EXT1: variants seen among roughly 807,000 people sequenced by gnomAD.
The protein encoded by EXT1 is exostosin glycosyltransferase 1.
A neutral mutation model predicts 82.5 loss-of-function variants in EXT1; 20 were observed. The observed-to-expected ratio is 0.24, with a 90% confidence interval of 0.17 to 0.35. EXT1 has a LOEUF of 0.35. Ranked by LOEUF, EXT1 falls within the 10% of genes least tolerant of loss-of-function variation. EXT1 has a pLI of 1.00. For synonymous variants in EXT1, 348 were observed against 350.8 expected, an observed-to-expected ratio of 0.99 and a Z score of 0.09; for missense variants, 757 against 936.5, an observed-to-expected ratio of 0.81 and a Z score of 2.50.
intron 1 of EXT1, among the ~76,000 whole-genome samples, chr8:117,896,488 C>T (rs569495801): frequency 7.2e-4 from 110 of 152,190 alleles, no homozygotes; most frequent in African/African-American, 2.5e-3. Flanking sequence ...GTTAGCTGGC[C>T]TTTTAAAAGG....
intron 1 of EXT1, among the ~76,000 whole-genome samples, chr8:117,958,991 C>CTAG (rs1168577960): frequency 6.6e-6 from 1 of 152,204 alleles, no homozygotes; most frequent in Admixed American, 6.5e-5. Context: ...TGCACTGATC[C>CTAG]TAGTTACTTC....
At chr8:117,897,028 T>A (rs533759767) in intron 1 of EXT1, among the ~76,000 whole-genome samples, 1 of 152,292 alleles carries the variant, frequency 6.6e-6, no homozygotes, top group East Asian at 1.9e-4. Flanking sequence ...TTGACAGCTA[T>A]TCTGTCCATG....
intron 1 of EXT1, among the ~76,000 whole-genome samples, chr8:118,012,049 G>C (rs1815910585): frequency 6.6e-6 from 1 of 152,184 alleles, no homozygotes; most frequent in South Asian, 2.1e-4. Context: ...CAGATCCAGT[G>C]CTCCCTTTCT....
intron 1 of EXT1, among the ~76,000 whole-genome samples, chr8:118,060,240 A>G (rs1470935481): frequency 6.6e-6 from 1 of 152,232 alleles, no homozygotes; most frequent in Non-Finnish European, 1.5e-5. Context: ...AGATCCATTT[A>G]TCAACACATC....
chr8:117,835,476 C>A lies in EXT1; in HGVS notation c.1132G>T (p.Ala378Ser). The A allele has an allele frequency of 6.2e-7, 1 of 1,614,172 alleles. No individual in the cohort carries two copies. The highest frequency in any genetic ancestry group is 8.5e-7 in the Non-Finnish European group (1 of 1,180,004). Residue 378 changes from alanine to serine, a missense_variant, in exon 3 of 11, where the codon GCC (alanine) becomes TCC (serine). Around this residue, in one of 4 missense-constraint regions of EXT1, gnomAD observed 247 missense variants for 330.1 expected, o/e 0.75. Coordinates refer to ENST00000378204, the MANE Select transcript of EXT1 (RefSeq NM_000127.3). The part of the protein sequence containing the change: ...FSEVINWNQA[A>S]VIGDERLLLQ... ...AACAATCTCTCATCGCCTATGACGG[C>A]AGCTTGGTTCCAATTAATCACTTCA...
At chr8:117,926,755 A>G (rs1542519) in intron 1 of EXT1, among the ~76,000 whole-genome samples, 104,065 of 152,052 alleles carry the variant, frequency 0.68, 35,859 homozygotes, top group Middle Eastern at 0.82. Flanking sequence ...CCCAACAAAA[A>G]CGCTTATATA....
At chr8:117,908,962 T>C (rs1284251368) in intron 1 of EXT1, among the ~76,000 whole-genome samples, 18 of 151,542 alleles carry the variant, frequency 1.2e-4, no homozygotes, top group Admixed American at 1.2e-3. Flanking sequence ...CGAAACCTCA[T>C]CTCTACTAAA....
At chr8:117,976,846 T>C (rs1586320222) in intron 1 of EXT1, among the ~76,000 whole-genome samples, 1 of 151,716 alleles carries the variant, frequency 6.6e-6, no homozygotes, top group African/African-American at 2.4e-5. Flanking sequence ...CCTGGTGGGG[T>C]TAGGGAGAGA....
intron 1 of EXT1, among the ~76,000 whole-genome samples, chr8:117,944,544 C>T (rs995468731): frequency 1.3e-5 from 2 of 152,190 alleles, no homozygotes; most frequent in African/African-American, 2.4e-5. Flanking sequence ...TGTGAAAAAG[C>T]GAACATTCTT....
rs1343317371 is a variant in EXT1 at position 117,798,287 on chromosome 8, T to G, written c.*1425A>C. ...TAAAGTGCTTATTGTTTATTCAGCA[T>G]AATACATGGTCAAACTCAATAATGT... is the stretch of plus-strand genomic sequence containing the variant. On this transcript the variant is annotated 3_prime_UTR_variant, in exon 11 of 11. Transcript: ENST00000378204. 6.6e-6 allele frequency: 1 copy of G among 152,190 alleles called. No individual in the cohort carries two copies. Among genetic ancestry groups the G allele is most frequent in the Non-Finnish European group, 1.5e-5 (1 of 68,024 alleles). The allele number at this position is 152,190 out of a possible 1,614,324, so 9.4% of individuals were successfully genotyped here.
chr8:117,841,080 G>C (rs568505528), intron 1 of EXT1, among the ~76,000 whole-genome samples: 1 of 152,182 alleles, frequency 6.6e-6, no homozygotes, highest in East Asian at 1.9e-4. Context: ...GTATCCCAGA[G>C]AAATGGAAAC....
At chr8:118,013,136 C>A (rs1051219557) in intron 1 of EXT1, among the ~76,000 whole-genome samples, 9 of 151,936 alleles carry the variant, frequency 5.9e-5, no homozygotes, top group African/African-American at 2.2e-4. Context: ...CAGGCTCAGG[C>A]GATCCTCCCA....
At chr8:117,948,949 C>T (rs1268840697) in intron 1 of EXT1, among the ~76,000 whole-genome samples, 1 of 152,192 alleles carries the variant, frequency 6.6e-6, no homozygotes. Context: ...AATTAAAACA[C>T]CCATGCACAT....
At chr8:118,055,789 T>G (rs1816785397) in intron 1 of EXT1, among the ~76,000 whole-genome samples, 1 of 152,186 alleles carries the variant, frequency 6.6e-6, no homozygotes, top group South Asian at 2.1e-4. Flanking sequence ...GTGTGGCGAG[T>G]GCTTAATAAA....
intron 1 of EXT1, among the ~76,000 whole-genome samples, chr8:117,970,464 G>A (rs1203446909): frequency 6.6e-6 from 1 of 152,032 alleles, no homozygotes; most frequent in Non-Finnish European, 1.5e-5. Context: ...CACCATGCCT[G>A]GCTAATTTTT....
chr8:117,863,514 A>G (rs368176492), intron 1 of EXT1, among the ~76,000 whole-genome samples: 16 of 151,552 alleles, frequency 1.1e-4, no homozygotes, highest in Admixed American at 5.9e-4. Context: ...GAAATCCACA[A>G]TCTGGCACAG....
At chr8:118,106,463 G>A (rs1817804587) in intron 1 of EXT1, among the ~76,000 whole-genome samples, 2 of 152,216 alleles carry the variant, frequency 1.3e-5, no homozygotes, top group Non-Finnish European at 2.9e-5. Context: ...GAAGCTGAAT[G>A]ATCACTTACC....
At chr8:118,061,759 G>C (rs969153563) in intron 1 of EXT1, among the ~76,000 whole-genome samples, 4 of 152,258 alleles carry the variant, frequency 2.6e-5, no homozygotes, top group Non-Finnish European at 5.9e-5. Flanking sequence ...AACATTCCTA[G>C]ATTTTAAAAG....
intron 1 of EXT1, among the ~76,000 whole-genome samples, chr8:118,008,707 G>A (rs1815832150): frequency 6.6e-6 from 1 of 151,986 alleles, no homozygotes; most frequent in African/African-American, 2.4e-5. Context: ...GACACACATT[G>A]ATTACATTGT....
Sources: allele counts gnomAD v4.1 joint callset (sites outside exome capture counted in the v4.1 genomes callset), GRCh38; gene constraint gnomAD v4.1.1; regional missense constraint gnomAD v4.1.1; transcripts MANE v1.5; gene names NCBI Gene and HGNC (gene_info 2026-07-23, HGNC 2026-07-21).